The following DENND1A variants were observed in gnomAD, a reference collection of about 807,000 sequenced individuals.
DENND1A encodes the protein DENN domain containing 1A, also known as DENN domain-containing protein 1A.
A neutral mutation model predicts 113.7 loss-of-function variants in DENND1A; 51 were observed. That is an observed-to-expected ratio of 0.45 (90% CI 0.36 to 0.57). DENND1A has a LOEUF of 0.57. DENND1A is among the 20% of genes least tolerant of loss of function. DENND1A has a pLI of 0.00. For missense variants in DENND1A, 1,258 were observed against 1,395.9 expected (o/e 0.90, Z 1.57); for synonymous variants, 565 against 570.8 (o/e 0.99, Z 0.14).
intron 5 of DENND1A, among the ~76,000 whole-genome samples, chr9:123,717,632 A>G (rs563513424): frequency 5.2e-4 from 79 of 152,376 alleles, no homozygotes; most frequent in African/African-American, 1.7e-3. Context: ...AAAAGAGGAT[A>G]TACCTCCAGT....
At chr9:123,453,611 T>C (rs1486945452) in intron 16 of DENND1A, among the ~76,000 whole-genome samples, 1 of 152,082 alleles carries the variant, frequency 6.6e-6, no homozygotes, top group Non-Finnish European at 1.5e-5. Context: ...ATCAGGTCTG[T>C]GGTGGTTTAA....
intron 2 of DENND1A, among the ~76,000 whole-genome samples, chr9:123,873,211 C>G (rs1302120092): frequency 6.6e-6 from 1 of 152,196 alleles, no homozygotes; most frequent in Non-Finnish European, 1.5e-5. Context: ...AGTTTATTCA[C>G]TGGTAACTAG....
intron 12 of DENND1A, among the ~76,000 whole-genome samples, chr9:123,575,942 T>C (rs1352847964): frequency 6.6e-6 from 1 of 152,244 alleles, no homozygotes; most frequent in South Asian, 2.1e-4. Flanking sequence ...TTGGAGTGTC[T>C]AGACAATGTA....
chr9:123,444,892 G>T (rs2047185502), intron 18 of DENND1A, among the ~76,000 whole-genome samples: 1 of 152,174 alleles, frequency 6.6e-6, no homozygotes, highest in Non-Finnish European at 1.5e-5. Context: ...TCTTCCCGAA[G>T]GGTCACACAG....
intron 20 of DENND1A, among the ~76,000 whole-genome samples, chr9:123,406,355 G>A (rs2043852905): frequency 6.6e-6 from 1 of 152,224 alleles, no homozygotes; most frequent in African/African-American, 2.4e-5. Context: ...CCCCCCAAGG[G>A]GTCTGGTACA....
At chr9:123,529,398 C>T (rs573932526) in intron 13 of DENND1A, among the ~76,000 whole-genome samples, 1 of 152,260 alleles carries the variant, frequency 6.6e-6, no homozygotes, top group East Asian at 1.9e-4. Flanking sequence ...CAACAATAGA[C>T]TTTTTTTATA....
rs1000324725 is a variant in DENND1A at position 123,806,124 on chromosome 9, T to C, written c.89-13494A>G. Among the ~76,000 whole-genome samples, 66 of 151,950 alleles carry C rather than the reference T, an allele frequency of 4.3e-4. 1 individual carries two copies. The highest frequency in any genetic ancestry group is 5.9e-4 in the Non-Finnish European group (40 of 67,950). ...ACCCGCCACCATGCCTGGCTAATTT[T>C]TGTATTTTCAGTAGAGATGGGGTTT... On this transcript the variant is annotated intron_variant, in intron 2 of 23. Coordinates refer to ENST00000394215, the MANE Select transcript of DENND1A (RefSeq NM_001352964.2).
chr9:123,636,193 G>C (rs558344548), intron 9 of DENND1A, among the ~76,000 whole-genome samples: 51 of 152,126 alleles, frequency 3.4e-4, no homozygotes, highest in Non-Finnish European at 6.5e-4. Context: ...ACCTGACCAG[G>C]GCACAGCTGT....
chr9:123,498,771 G>A (rs541421736), intron 13 of DENND1A, among the ~76,000 whole-genome samples: 1 of 151,688 alleles, frequency 6.6e-6, no homozygotes, highest in African/African-American at 2.4e-5. Context: ...CTCCCAAGCT[G>A]GAGTACAGTG....
At chr9:123,812,393 CT>C (rs1836770468) in intron 2 of DENND1A, among the ~76,000 whole-genome samples, 2 of 151,212 alleles carry the variant, frequency 1.3e-5, no homozygotes, top group Admixed American at 1.3e-4. Flanking sequence ...CATTTTTTCC[CT>C]GTTGATGATC....
intron 2 of DENND1A, among the ~76,000 whole-genome samples, chr9:123,844,618 C>T (rs1222514665): frequency 1.3e-5 from 2 of 152,112 alleles, no homozygotes; most frequent in African/African-American, 2.4e-5. Flanking sequence ...GATTGCAACA[C>T]AATATTGTTA....
At chr9:123,407,395 C>A (rs936352131) in intron 20 of DENND1A, among the ~76,000 whole-genome samples, 1 of 152,090 alleles carries the variant, frequency 6.6e-6, no homozygotes, top group African/African-American at 2.4e-5. Flanking sequence ...CACAAATACA[C>A]ACTCACAGAG....
chr9:123,437,472 G>T (rs543709108), intron 19 of DENND1A, among the ~76,000 whole-genome samples: 17 of 152,276 alleles, frequency 1.1e-4, no homozygotes, highest in Admixed American at 3.3e-4. Context: ...CCGTCTCAAC[G>T]GTCTCCATCC....
At chr9:123,412,964 A>C (rs767902598) in intron 19 of DENND1A, among the ~76,000 whole-genome samples, 3 of 152,220 alleles carry the variant, frequency 2.0e-5, no homozygotes, top group Non-Finnish European at 4.4e-5. Flanking sequence ...TGGGCGGACC[A>C]CCTGAGGTCA....
At chr9:123,871,196 C>T (rs1846546349) in intron 2 of DENND1A, among the ~76,000 whole-genome samples, 1 of 152,092 alleles carries the variant, frequency 6.6e-6, no homozygotes, top group Non-Finnish European at 1.5e-5. Context: ...TGATCTCACA[C>T]CTCAGCCTTC....
intron 13 of DENND1A, among the ~76,000 whole-genome samples, chr9:123,549,417 C>A (rs191519569): frequency 3.6e-4 from 55 of 152,234 alleles, no homozygotes; most frequent in Non-Finnish European, 6.9e-4. Context: ...AGGGAGTGCG[C>A]ACCCTCCCAC....
At chr9:123,664,323 A>G (rs2063391757) in intron 8 of DENND1A, among the ~76,000 whole-genome samples, 1 of 152,178 alleles carries the variant, frequency 6.6e-6, no homozygotes, top group South Asian at 2.1e-4. Context: ...GCCAACTATC[A>G]TTTGTCTTTT....
At chr9:123,709,292 C>T (rs760949151) in intron 5 of DENND1A, among the ~76,000 whole-genome samples, 1 of 152,176 alleles carries the variant, frequency 6.6e-6, no homozygotes, top group Non-Finnish European at 1.5e-5. Flanking sequence ...AGCACCAGTG[C>T]CCCAGTTTCT....
chr9:123,882,595 A>C (rs1848478281), intron 1 of DENND1A, among the ~76,000 whole-genome samples: 1 of 152,128 alleles, frequency 6.6e-6, no homozygotes, highest in South Asian at 2.1e-4. Context: ...TATCACCTCG[A>C]TTACTGCAGC....
Sources: gnomAD v4.1 joint callset for allele counts (sites outside exome capture counted in the v4.1 genomes callset) on GRCh38, gnomAD v4.1.1 for gene constraint, MANE v1.5 for transcripts, NCBI Gene and HGNC (gene_info 2026-07-23, HGNC 2026-07-21) for gene names.